SOX6: variants seen among roughly 807,000 people sequenced by gnomAD.
SOX6 encodes the protein transcription factor SOX-6.
A neutral mutation model predicts 97.8 loss-of-function variants in SOX6; 11 were observed. The ratio of observed to expected loss-of-function variants is 0.11; its 90% CI spans 0.07 to 0.19. The LOEUF is 0.19. Among genes scored for constraint, SOX6 ranks in the 10% least tolerant of loss-of-function variants. The pLI, the probability that SOX6 is intolerant of heterozygous loss-of-function variation, is 1.00. For synonymous variants in SOX6, 360 were observed against 371.4 expected (o/e 0.97, Z 0.35); for missense variants, 810 against 1,039.5 (o/e 0.78, Z 3.04).
intron 3 of SOX6, among the ~76,000 whole-genome samples, chr11:16,304,903 C>G (rs1472263820): frequency 6.6e-6 from 1 of 151,848 alleles, no homozygotes; most frequent in Non-Finnish European, 1.5e-5. Flanking sequence ...AACCTCACAC[C>G]TTATACAAAA....
At chr11:16,732,228 G>GA (rs1213798565) in intron 2 of SOX6, among the ~76,000 whole-genome samples, 1 of 152,006 alleles carries the variant, frequency 6.6e-6, no homozygotes. Context: ...TCACAAATTA[G>GA]AAAAAACTAC....
chr11:16,486,380 C>T (rs1860434178), intron 4 of SOX6, among the ~76,000 whole-genome samples: 1 of 152,086 alleles, frequency 6.6e-6, no homozygotes, highest in African/African-American at 2.4e-5. Flanking sequence ...TGAAATAACA[C>T]CTATTATTGT....
chr11:16,542,660 G>T (rs902948440), intron 4 of SOX6, among the ~76,000 whole-genome samples: 2 of 152,012 alleles, frequency 1.3e-5, no homozygotes, highest in Admixed American at 6.6e-5. Context: ...TTAATAACTT[G>T]AATTATTAAT....
chr11:16,696,739 TG>T (rs1196528033), intron 3 of SOX6, among the ~76,000 whole-genome samples: 1 of 152,224 alleles, frequency 6.6e-6, no homozygotes, highest in Non-Finnish European at 1.5e-5. Flanking sequence ...GCCTTGATGT[TG>T]ATGGCTGCTG....
At chr11:16,700,841 T>C (rs577747837) in intron 3 of SOX6, among the ~76,000 whole-genome samples, 1 of 152,348 alleles carries the variant, frequency 6.6e-6, no homozygotes, top group South Asian at 2.1e-4. Context: ...CTTGGTTTTC[T>C]TAACCCTGCT....
At chr11:16,220,114 C>T (rs1474131766) in intron 4 of SOX6, among the ~76,000 whole-genome samples, 1 of 151,924 alleles carries the variant, frequency 6.6e-6, no homozygotes, top group Non-Finnish European at 1.5e-5. Context: ...CTCATTGTAA[C>T]TTTTAAAATA....
intron 1 of SOX6, among the ~76,000 whole-genome samples, chr11:16,353,851 T>C (rs1296582618): frequency 6.6e-6 from 1 of 152,036 alleles, no homozygotes; most frequent in Non-Finnish European, 1.5e-5. Context: ...TCCTGCATTA[T>C]TTATCTGGTC....
intron 3 of SOX6, among the ~76,000 whole-genome samples, chr11:16,695,524 A>G (rs1038595148): frequency 2.0e-5 from 3 of 152,210 alleles, no homozygotes; most frequent in African/African-American, 4.8e-5. Flanking sequence ...TACCTGTTGG[A>G]TAAGTAACAG....
At chr11:16,130,425 T>G (rs988232187) in intron 6 of SOX6, among the ~76,000 whole-genome samples, 7 of 151,970 alleles carry the variant, frequency 4.6e-5, no homozygotes, top group African/African-American at 1.7e-4. Flanking sequence ...TCACTATGTT[T>G]ATGCATATCA....
intron 3 of SOX6, among the ~76,000 whole-genome samples, chr11:16,673,917 T>C (rs4756860): frequency 0.81 from 122,937 of 152,006 alleles, 49,793 homozygotes; most frequent in Middle Eastern, 0.89. Flanking sequence ...CGGCTGGGCG[T>C]GGTGGCTCAT....
chr11:16,165,419 C>T (rs993821195), intron 6 of SOX6, among the ~76,000 whole-genome samples: 3 of 152,052 alleles, frequency 2.0e-5, no homozygotes, highest in Non-Finnish European at 4.4e-5. Context: ...CTACAACTCT[C>T]AAGATTTCTT....
upstream of SOX6, among the ~76,000 whole-genome samples, chr11:16,358,553 G>A (rs1857128129): frequency 6.6e-6 from 1 of 152,018 alleles, no homozygotes; most frequent in African/African-American, 2.4e-5. Context: ...ATCAACTTAT[G>A]CCCCAATTAC....
intron 6 of SOX6, among the ~76,000 whole-genome samples, chr11:16,143,274 T>C (rs1421142146): frequency 6.6e-6 from 1 of 152,078 alleles, no homozygotes; most frequent in Admixed American, 6.5e-5. Context: ...GAAGGAGAAA[T>C]AAAATCCTTT....
intron 1 of SOX6, among the ~76,000 whole-genome samples, chr11:16,447,618 T>C (rs1859639496): frequency 6.6e-6 from 1 of 152,112 alleles, no homozygotes; most frequent in South Asian, 2.1e-4. Context: ...AGTACAAAAT[T>C]TATCTTCCTA....
In SOX6 at chr11:16,186,228, T is replaced by G. The variant is rs910230823; in HGVS notation, c.708+555A>C. On this transcript the variant is annotated intron_variant, in intron 5 of 15. Transcript: ENST00000683767. ...TATGCTATAAATAGTGACCATGTGA[T>G]GTATCATCCAAACCAAGAAAACTTT... 2.6e-5 allele frequency among the ~76,000 whole-genome samples: 4 copies of G among 152,184 alleles called. No individual in the cohort carries two copies. The East Asian group carries it at 7.7e-4, about 29-fold the overall frequency.
chr11:16,227,872 T>C (rs990036881), intron 4 of SOX6, among the ~76,000 whole-genome samples: 1 of 152,154 alleles, frequency 6.6e-6, no homozygotes, highest in Non-Finnish European at 1.5e-5. Flanking sequence ...GTCATTCTGA[T>C]AAATACTAAT....
intron 6 of SOX6, 100 bp from the exon 7 acceptor site, chr11:16,112,023 A>G (rs2133995141): frequency 1.4e-6 from 2 of 1,448,538 alleles, no homozygotes; most frequent in East Asian, 4.7e-5. Context: ...CCACACAGCC[A>G]CCCACCTCTA....
At chr11:16,197,226 A>G (rs1020217150) in intron 4 of SOX6, among the ~76,000 whole-genome samples, 9 of 152,070 alleles carry the variant, frequency 5.9e-5, no homozygotes. Context: ...AAATCATTTG[A>G]TCAGCAAACT....
intron 13 of SOX6, among the ~76,000 whole-genome samples, chr11:16,003,937 G>C (rs370279740): frequency 6.6e-6 from 1 of 151,726 alleles, no homozygotes; most frequent in South Asian, 2.1e-4. Flanking sequence ...AGGATGGTAA[G>C]GCATGTCTGA....
Sources: gnomAD v4.1 joint callset for allele counts (sites outside exome capture counted in the v4.1 genomes callset) on GRCh38, gnomAD v4.1.1 for gene constraint, MANE v1.5 for transcripts, NCBI Gene and HGNC (gene_info 2026-07-23, HGNC 2026-07-21) for gene names.